Variants in ADGRF5 observed in about 807,000 individuals in gnomAD.
ADGRF5 encodes G-protein coupled receptor 116.
ADGRF5 carries 75 observed loss-of-function variants against 132.3 expected under a neutral mutation model. The ratio of observed to expected loss-of-function variants is 0.57; its 90% CI spans 0.47 to 0.69. The LOEUF (loss-of-function observed/expected upper bound fraction) is 0.69. Ranked by LOEUF, ADGRF5 falls within the 30% of genes least tolerant of loss-of-function variation. The pLI, the probability that ADGRF5 is intolerant of heterozygous loss-of-function variation, is 0.00. For missense variants in ADGRF5, 1,516 were observed against 1,630.6 expected (o/e 0.93, Z 1.21); for synonymous variants, 629 against 597.6 (o/e 1.05, Z -0.77).
intron 10 of ADGRF5, among the ~76,000 whole-genome samples, chr6:46,872,830 T>C (rs1219246393): frequency 6.6e-6 from 1 of 152,142 alleles, no homozygotes. Flanking sequence ...ACTATCAATC[T>C]TCCGAAAATG....
At chr6:46,862,731 C>CTTTTTTTT (rs1769926537) in intron 15 of ADGRF5, among the ~76,000 whole-genome samples, 157 bp downstream of exon 15, 2 of 21,786 alleles carry the variant, frequency 9.2e-5, no homozygotes, top group South Asian at 1.8e-3. Flanking sequence ...TTTTTTTTTG[C>CTTTTTTTT]ATTTCTAGGG....
At chr6:46,856,978 T>C in intron 17 of ADGRF5, 70 bp from the exon 18 acceptor site, 7 of 1,200,770 alleles carry the variant, frequency 5.8e-6, no homozygotes, top group Non-Finnish European at 8.6e-6. Context: ...GAGGAAGTAC[T>C]GTTAACCTGG....
chr6:46,890,239 C>T (rs190264051), intron 3 of ADGRF5, among the ~76,000 whole-genome samples: 1 of 151,938 alleles, frequency 6.6e-6, no homozygotes. Flanking sequence ...ACTACAAGCT[C>T]ATACCATCAC....
intron 10 of ADGRF5, among the ~76,000 whole-genome samples, chr6:46,877,225 C>CTCTTTCTTTCTTTCTTTCTTT (rs1771763723): frequency 2.8e-4 from 37 of 131,746 alleles, no homozygotes; most frequent in Middle Eastern, 3.8e-3. Flanking sequence ...TTTATTTCCT[C>CTCTTTCTTTCTTTCTTTCTTT]TCTTTCTTTC....
At chr6:46,937,654 G>C (rs1777899623) in intron 1 of ADGRF5, among the ~76,000 whole-genome samples, 1 of 152,108 alleles carries the variant, frequency 6.6e-6, no homozygotes, top group South Asian at 2.1e-4. Context: ...ACAGTTAAGA[G>C]ATTAACAACA....
intron 1 of ADGRF5, among the ~76,000 whole-genome samples, chr6:46,943,272 C>T (rs116394182): frequency 0.014 from 2,136 of 152,190 alleles, 44 homozygotes; most frequent in African/African-American, 0.048. Context: ...AGCTGAGGTT[C>T]GATCTACAGT....
At chr6:46,863,227 A>G (rs1364626530) in intron 14 of ADGRF5, 131 bp from the exon 15 acceptor site, 1 of 764,720 alleles carries the variant, frequency 1.3e-6, no homozygotes, top group East Asian at 2.7e-5. Context: ...CCTTTTCAGA[A>G]CTACCCAATT....
chr6:46,919,879 T>C (rs972730599), intron 1 of ADGRF5, among the ~76,000 whole-genome samples: 1 of 152,242 alleles, frequency 6.6e-6, no homozygotes, highest in Non-Finnish European at 1.5e-5. Context: ...TATACCTTTT[T>C]CCCAAAGGCT....
At position 46,884,110 on chromosome 6, in the gene ADGRF5, A is replaced by C. The variant is rs1341632496; in HGVS notation, c.490T>G (p.Cys164Gly). ...LKELPPNGPF[C>G]LLQEDVTLNM... The stretch of plus-strand genomic sequence containing the variant: ...AGTTACTTACCTTCCTGAAGCAGGC[A>C]AAAAGGTCCATTGGGAGGCAGTTCT... Residue 164 changes from cysteine (C) to glycine (G), a missense_variant, in exon 5 of 21, where the codon TGC (cysteine) becomes GGC (glycine). Cys to Gly is a radical substitution (Grantham distance 159, BLOSUM62 -3). Around this residue, in one of 2 missense-constraint regions of ADGRF5, gnomAD observed 945 missense variants for 929.4 expected, o/e 1.02. Transcript: ENST00000283296. The C allele has an allele frequency of 1.9e-6, 3 of 1,613,538 alleles. No individual in the cohort carries two copies. Among genetic ancestry groups the C allele is most frequent in the Non-Finnish European group, 2.5e-6 (3 of 1,179,494 alleles).
intron 1 of ADGRF5, among the ~76,000 whole-genome samples, chr6:46,948,645 A>C (rs541575770): frequency 6.6e-6 from 1 of 152,320 alleles, no homozygotes; most frequent in Admixed American, 6.5e-5. Context: ...TCAGGTCTAG[A>C]CCAGAATTCA....
intron 1 of ADGRF5, among the ~76,000 whole-genome samples, chr6:46,914,857 GT>G (rs1277651007): frequency 1.3e-5 from 2 of 151,506 alleles, no homozygotes; most frequent in African/African-American, 4.9e-5. Flanking sequence ...TATTTTTTTT[GT>G]TTGTTTGTTT....
At chr6:46,892,703 T>C (rs2150865325) in intron 3 of ADGRF5, among the ~76,000 whole-genome samples, 1 of 152,228 alleles carries the variant, frequency 6.6e-6, no homozygotes, top group Admixed American at 6.5e-5. Context: ...TGAGCCGAGA[T>C]TGCGCCACTG....
chr6:46,940,678 G>A (rs1250129028), intron 1 of ADGRF5, among the ~76,000 whole-genome samples: 1 of 152,062 alleles, frequency 6.6e-6, no homozygotes, highest in Non-Finnish European at 1.5e-5. Context: ...TGTTTGCTTT[G>A]GGCAACAAGT....
chr6:46,931,835 G>T (rs566415248), intron 1 of ADGRF5, among the ~76,000 whole-genome samples: 4 of 152,166 alleles, frequency 2.6e-5, no homozygotes, highest in African/African-American at 9.7e-5. Flanking sequence ...CAGAAGAATC[G>T]CTTGAACCTG....
At chr6:46,897,053 T>C (rs768902546) in intron 3 of ADGRF5, among the ~76,000 whole-genome samples, 6 of 151,772 alleles carry the variant, frequency 4.0e-5, no homozygotes, top group Non-Finnish European at 8.8e-5. Context: ...CAATCCCCCA[T>C]GGATACCAAG....
chr6:46,866,088 G>C (rs1197612484), intron 13 of ADGRF5, among the ~76,000 whole-genome samples: 1 of 152,190 alleles, frequency 6.6e-6, no homozygotes, highest in Non-Finnish European at 1.5e-5. Context: ...ATCTACCAGA[G>C]AGACTTTGAT....
Position 46,856,702 on chromosome 6 carries a change from C to A in ADGRF5, c.3876+16G>T. On this transcript the variant is annotated intron_variant, in intron 19 of 20. Coordinates refer to ENST00000283296, the MANE Select transcript of ADGRF5 (RefSeq NM_001098518.2). ...GATGTTATAAAATGAAAAGTCTCTG[C>A]AGAGAAAAAGTTTACCTTTGAGTGC... The A allele has an allele frequency of 1.6e-6, 2 of 1,218,560 alleles. No homozygotes were observed. Among genetic ancestry groups the A allele is most frequent in the Non-Finnish European group, 1.2e-6 (1 of 823,716 alleles). The allele number at this position is 1,218,560 out of a possible 1,614,324, so 75.5% of individuals were successfully genotyped here. A position where few individuals can be genotyped will look rare whatever the true frequency, so the allele number is the denominator to read the frequency against.
intron 7 of ADGRF5, 141 bp downstream of exon 7, chr6:46,881,908 G>T (rs1049259199): frequency 1.2e-5 from 9 of 742,458 alleles, no homozygotes; most frequent in East Asian, 2.5e-5. Flanking sequence ...TCTGTAAGGG[G>T]TGAGGTACTT....
upstream of ADGRF5, among the ~76,000 whole-genome samples, chr6:46,926,624 G>C (rs1305368416): frequency 1.3e-5 from 2 of 152,088 alleles, no homozygotes. Flanking sequence ...TCCACTTTCA[G>C]CTCTTAGAGA....
Sources: gnomAD v4.1 joint callset for allele counts (sites outside exome capture counted in the v4.1 genomes callset) on GRCh38, gnomAD v4.1.1 for gene constraint, gnomAD v4.1.1 regional missense constraint, MANE v1.5 for transcripts, NCBI Gene and HGNC (gene_info 2026-07-23, HGNC 2026-07-21) for gene names.